Variants in CPED1 observed in about 807,000 individuals in gnomAD.
CPED1 encodes the protein cadherin-like and PC-esterase domain-containing protein 1.
CPED1 carries 114 observed loss-of-function variants against 128.2 expected under a neutral mutation model. The observed-to-expected ratio is 0.89, with a 90% confidence interval of 0.76 to 1.04. The LOEUF (loss-of-function observed/expected upper bound fraction) is 1.04, where lower values mean the gene tolerates loss of function less well. Among genes scored for constraint, CPED1 ranks in the 50% least tolerant of loss-of-function variants. The pLI is 0.00. For missense variants in CPED1, 1,211 were observed against 1,207.1 expected, an observed-to-expected ratio of 1.00 and a Z score of -0.05; for synonymous variants, 462 against 426.7, an observed-to-expected ratio of 1.08 and a Z score of -1.02.
At chr7:121,167,113 C>G (rs968782161) in intron 16 of CPED1, among the ~76,000 whole-genome samples, 2 of 152,202 alleles carry the variant, frequency 1.3e-5, no homozygotes, top group South Asian at 4.1e-4. Context: ...ACAGCAAATG[C>G]TGGTAAAGTG....
intron 2 of CPED1, among the ~76,000 whole-genome samples, chr7:120,992,955 T>C (rs944303965): frequency 3.3e-5 from 5 of 152,198 alleles, no homozygotes; most frequent in Admixed American, 6.5e-5. Context: ...TGGTATAATA[T>C]ATGCCAACTT....
intron 4 of CPED1, among the ~76,000 whole-genome samples, chr7:121,047,715 C>CTTCTTCTTCTTCT (rs1563005068): frequency 1.3e-5 from 1 of 76,062 alleles, no homozygotes; most frequent in African/African-American, 5.8e-5. Flanking sequence ...TCTTCTTCTT[C>CTTCTTCTTCTTCT]TTTTTTTTTT....
rs767990682 is a variant in CPED1 at position 121,271,285 on chromosome 7, G to A, written c.2723G>A (p.Ser908Asn). The change falls in exon 22 of 23, where the codon AGT becomes AAT. Residue 908 changes from serine to asparagine, a missense_variant and splice_region_variant. Ser to Asn is a conservative substitution (Grantham distance 46, BLOSUM62 1). Coordinates refer to ENST00000310396, the MANE Select transcript of CPED1 (RefSeq NM_024913.5). ...PVDGVHFLTQ[S>N]EVQNLWKENL... ...CTCATTCTTCTGCTTTCCAATCAGA[G>A]TGAAGTACAGAACTTATGGAAAGAA... The A allele has an allele frequency of 1.2e-6, 2 of 1,607,658 alleles. No individual in the cohort carries two copies. Among genetic ancestry groups the A allele is most frequent in the East Asian group, 4.5e-5 (2 of 44,654 alleles).
chr7:121,058,391 G>C (rs957786666), intron 4 of CPED1, among the ~76,000 whole-genome samples: 1 of 152,148 alleles, frequency 6.6e-6, no homozygotes, highest in South Asian at 2.1e-4. Context: ...TGGGCTAGCA[G>C]AATAGCAATG....
chr7:121,258,692 T>G (rs1379628559), intron 18 of CPED1, among the ~76,000 whole-genome samples: 1 of 152,054 alleles, frequency 6.6e-6, no homozygotes, highest in Admixed American at 6.6e-5. Context: ...GGTTCCCACT[T>G]CAGTGTGCTC....
chr7:121,047,843 C>G (rs1302743350), intron 4 of CPED1, among the ~76,000 whole-genome samples: 1 of 151,434 alleles, frequency 6.6e-6, no homozygotes, highest in East Asian at 1.9e-4. Flanking sequence ...CCGGTGGTAG[C>G]GGGCGCCCGT....
At chr7:121,047,797 G>A (rs1156623960) in intron 4 of CPED1, among the ~76,000 whole-genome samples, 2 of 150,010 alleles carry the variant, frequency 1.3e-5, no homozygotes, top group South Asian at 2.1e-4. Context: ...TGCAAGCTCC[G>A]CCTCCTGGGT....
chr7:120,989,503 G>A lies in CPED1; in HGVS notation c.-119G>A. 7.3e-7 allele frequency: 1 copy of A among 1,361,960 alleles called. No individual in the cohort carries two copies. Among genetic ancestry groups the A allele is most frequent in the East Asian group, 2.3e-5 (1 of 43,220 alleles). The allele number at this position is 1,361,960 out of a possible 1,614,324, so 84.4% of individuals were successfully genotyped here. On this transcript the variant is annotated 5_prime_UTR_variant, in exon 2 of 23. Transcript: ENST00000310396. ...TGGAAAATTCTTAAGCAGGGATGAA[G>A]CAAACTTGATTGGAGTTGGGGAAAA...
At chr7:121,098,532 G>A (rs528582796) in intron 6 of CPED1, among the ~76,000 whole-genome samples, 7 of 151,592 alleles carry the variant, frequency 4.6e-5, no homozygotes, top group Admixed American at 4.0e-4. Context: ...AGTAGTTCAA[G>A]ACCAGCCTGA....
intron 15 of CPED1, among the ~76,000 whole-genome samples, chr7:121,141,487 C>A (rs1244161342): frequency 6.6e-6 from 1 of 151,914 alleles, no homozygotes; most frequent in Non-Finnish European, 1.5e-5. Flanking sequence ...GTGTCCATAG[C>A]AAAGAAGATA....
intron 2 of CPED1, among the ~76,000 whole-genome samples, chr7:121,000,824 C>T (rs1791832506): frequency 6.6e-6 from 1 of 152,152 alleles, no homozygotes; most frequent in Non-Finnish European, 1.5e-5. Context: ...TTTATCCTAG[C>T]TATAGGACAA....
intron 16 of CPED1, among the ~76,000 whole-genome samples, chr7:121,219,346 A>T (rs1375774662): frequency 2.0e-5 from 3 of 152,034 alleles, no homozygotes; most frequent in Non-Finnish European, 4.4e-5. Flanking sequence ...TGGAGAATAC[A>T]GGGTGTCTTT....
intron 16 of CPED1, among the ~76,000 whole-genome samples, chr7:121,177,577 T>C (rs1296472722): frequency 2.0e-5 from 3 of 152,058 alleles, no homozygotes; most frequent in Non-Finnish European, 4.4e-5. Flanking sequence ...AAAATGCATA[T>C]ATTGCCCATA....
chr7:120,998,329 C>T (rs908590674), intron 2 of CPED1, among the ~76,000 whole-genome samples: 5 of 152,168 alleles, frequency 3.3e-5, no homozygotes, highest in Non-Finnish European at 7.3e-5. Context: ...CAAATTAATA[C>T]CATTTATTAA....
chr7:121,095,659 T>C (rs1794680961), intron 5 of CPED1, among the ~76,000 whole-genome samples: 1 of 152,128 alleles, frequency 6.6e-6, no homozygotes, highest in East Asian at 1.9e-4. Flanking sequence ...AAATCTGACA[T>C]AGTCTTGGCA....
In CPED1 at chr7:121,073,994, T is replaced by A. The variant is rs1436912838; in HGVS notation, c.616+9681T>A. Among the ~76,000 whole-genome samples, 3 of 152,112 alleles carry A rather than the reference T, an allele frequency of 2.0e-5. No individual in the cohort carries two copies. In the East Asian group the frequency reaches 5.8e-4, roughly 29 times the overall value. The stretch of plus-strand genomic sequence containing the variant: ...AACAGTGGCATCTTCAGTGGTGTAA[T>A]CCTTCCAGATTTTCATGATGTTCTC... On this transcript the variant is annotated intron_variant, in intron 5 of 22. Transcript: ENST00000310396.
chr7:121,179,807 A>G (rs1316673468), intron 16 of CPED1, among the ~76,000 whole-genome samples: 2 of 152,074 alleles, frequency 1.3e-5, no homozygotes, highest in Non-Finnish European at 2.9e-5. Flanking sequence ...TAATTAGTAT[A>G]AGACAAAGAC....
At chr7:121,008,140 G>A (rs1023425076) in intron 2 of CPED1, among the ~76,000 whole-genome samples, 3 of 151,982 alleles carry the variant, frequency 2.0e-5, no homozygotes, top group Admixed American at 2.0e-4. Context: ...AACAAGAAAA[G>A]CACTCTTTTT....
At chr7:121,102,870 C>T (rs958583633) in intron 7 of CPED1, among the ~76,000 whole-genome samples, 6 of 152,198 alleles carry the variant, frequency 3.9e-5, no homozygotes, top group African/African-American at 1.4e-4. Context: ...TAGCTCTAGA[C>T]TCCCTTTCAA....
Sources: gnomAD v4.1 joint callset for allele counts (sites outside exome capture counted in the v4.1 genomes callset) on GRCh38, gnomAD v4.1.1 for gene constraint, MANE v1.5 for transcripts, NCBI Gene and HGNC (gene_info 2026-07-23, HGNC 2026-07-21) for gene names.